Variants in DUSP22 observed in about 807,000 individuals in gnomAD.
DUSP22 encodes dual specificity protein phosphatase 22.
DUSP22 carries 24 observed loss-of-function variants against 24.5 expected under a neutral mutation model. The ratio of observed to expected loss-of-function variants is 0.98; its 90% confidence interval spans 0.71 to 1.38. DUSP22 has a LOEUF of 1.38. DUSP22 is among the 40% of genes most tolerant of loss of function. The pLI is 0.00. For synonymous variants in DUSP22, 160 were observed against 106.4 expected, an observed-to-expected ratio of 1.50 and a Z score of -3.10; for missense variants, 330 against 269.2, an observed-to-expected ratio of 1.23 and a Z score of -1.58.
chr6:348,501 TC>T, intron 6 of DUSP22: 3 of 856,644 alleles, frequency 3.5e-6, no homozygotes, highest in Non-Finnish European at 5.3e-6. Context: ...TGCCTGGTAC[TC>T]CCTACTAGTT....
chr6:336,386 C>A (rs1759363390), intron 4 of DUSP22, among the ~76,000 whole-genome samples: 1 of 152,306 alleles, frequency 6.6e-6, no homozygotes, highest in Non-Finnish European at 1.5e-5. Context: ...TGCACGCACA[C>A]CCTATGGATC....
intron 4 of DUSP22, among the ~76,000 whole-genome samples, chr6:336,199 T>C (rs1370241565): frequency 1.3e-5 from 2 of 152,300 alleles, no homozygotes; most frequent in African/African-American, 2.4e-5. Context: ...TGCCACTGAG[T>C]CTGGCCTCTG....
intron 3 of DUSP22, among the ~76,000 whole-genome samples, chr6:332,299 G>A (rs1368010033): frequency 2.0e-5 from 3 of 152,302 alleles, no homozygotes; most frequent in Admixed American, 2.0e-4. Flanking sequence ...TTCCTCTTCA[G>A]AGGATTCACA....
intron 3 of DUSP22, chr6:326,144 G>A (rs1263760128): frequency 3.1e-5 from 7 of 228,908 alleles, no homozygotes; most frequent in South Asian, 2.0e-4. Context: ...GTCTTCCCTC[G>A]GCTTCTGTGT....
At chr6:293,000 T>C (rs754704909) in intron 1 of DUSP22, among the ~76,000 whole-genome samples, 15 of 152,300 alleles carry the variant, frequency 9.8e-5, no homozygotes, top group Non-Finnish European at 2.1e-4. Context: ...CTCCTCAGAT[T>C]CTGTGTGTGT....
chr6:333,165 AAGCCC>A (rs1218673737), intron 3 of DUSP22, among the ~76,000 whole-genome samples: 1 of 152,306 alleles, frequency 6.6e-6, no homozygotes, highest in Non-Finnish European at 1.5e-5. Flanking sequence ...CACAGCCCAC[AAGCCC>A]AGGAGAAATG....
intron 2 of DUSP22, among the ~76,000 whole-genome samples, chr6:305,087 T>C (rs1757762462): frequency 6.6e-6 from 1 of 152,302 alleles, no homozygotes; most frequent in Non-Finnish European, 1.5e-5. Context: ...TGCTTCCATT[T>C]ATTTGTTCGT....
In DUSP22 at chr6:350,550, G is replaced by C; in HGVS notation, c.*1599G>C. On this transcript the variant is annotated 3_prime_UTR_variant, in exon 7 of 7. Transcript: ENST00000419235. ...CTTTTTGGGGACCGGGAAAAACAAAGTTGCCTGATTCCGCGCAGGTGCACA... is the reference window on the plus strand; with the variant it reads ...CTTTTTGGGGACCGGGAAAAACAAACTTGCCTGATTCCGCGCAGGTGCACA... 7.4e-7 allele frequency: 1 copy of C among 1,359,476 alleles called. No homozygotes were observed. The highest frequency in any genetic ancestry group is 9.5e-7 in the Non-Finnish European group (1 of 1,057,624). The allele number at this position is 1,359,476 out of a possible 1,614,324, so 84.2% of individuals were successfully genotyped here.
chr6:313,673 A>G (rs1758210282), intron 3 of DUSP22, among the ~76,000 whole-genome samples: 1 of 152,304 alleles, frequency 6.6e-6, no homozygotes, highest in African/African-American at 2.4e-5. Context: ...TTATTATCTT[A>G]GCTTCATAAT....
chr6:313,654 C>T (rs1057515340), intron 3 of DUSP22, among the ~76,000 whole-genome samples: 19 of 152,296 alleles, frequency 1.2e-4, no homozygotes, highest in African/African-American at 2.9e-4. Flanking sequence ...TTGTAGTCTC[C>T]GGGTGCTATT....
At chr6:348,320 G>C (rs751383563) in intron 6 of DUSP22, 46 bp downstream of exon 6, 1 of 1,610,410 alleles carries the variant, frequency 6.2e-7, no homozygotes, top group South Asian at 1.1e-5. Flanking sequence ...AGGTGCCCCT[G>C]AACGGTGCCC....
chr6:319,633 C>T (rs1409942100), intron 3 of DUSP22, among the ~76,000 whole-genome samples: 1 of 152,300 alleles, frequency 6.6e-6, no homozygotes, highest in African/African-American at 2.4e-5. Context: ...CCATTGTTTC[C>T]AGCGTGGGTG....
intron 2 of DUSP22, 57 bp downstream of exon 2, chr6:304,718 TCTTGAC>T (rs2127393353): frequency 6.2e-7 from 1 of 1,606,442 alleles, no homozygotes; most frequent in African/African-American, 1.3e-5. Flanking sequence ...AAATGTGTCA[TCTTGAC>T]CATTTTAAAG....
intron 3 of DUSP22, among the ~76,000 whole-genome samples, chr6:313,620 C>A (rs1336609673): frequency 6.6e-6 from 1 of 152,302 alleles, no homozygotes; most frequent in Non-Finnish European, 1.5e-5. Flanking sequence ...TTCACTGGGA[C>A]AGCTTTTACT....
At position 348,986 on chromosome 6, in the gene DUSP22, G is replaced by A. The variant is rs959836440; in HGVS notation, c.*35G>A. 1 of 1,555,234 alleles carries A rather than the reference G, an allele frequency of 6.4e-7. No individual in the cohort carries two copies. The highest frequency in any genetic ancestry group is 1.4e-5 in the African/African-American group (1 of 73,342). Reference sequence around the variant, plus strand: ...CCTGCTGCCTTCCTTCCCACTGCTTGTCTTCAGTGTGCCCGGCTGGGCAGG... The same window carrying A: ...CCTGCTGCCTTCCTTCCCACTGCTTATCTTCAGTGTGCCCGGCTGGGCAGG... On this transcript the variant is annotated 3_prime_UTR_variant, in exon 7 of 7. Transcript: ENST00000419235.
At chr6:312,121 C>T (rs1350998610) in intron 3 of DUSP22, among the ~76,000 whole-genome samples, 159 bp downstream of exon 3, 2 of 152,296 alleles carry the variant, frequency 1.3e-5, no homozygotes, top group East Asian at 1.9e-4. Flanking sequence ...GATGTTAACA[C>T]GCTGTCTGTA....
Position 349,489 on chromosome 6 carries a change from G to T in DUSP22, c.*538G>T. On this transcript the variant is annotated 3_prime_UTR_variant, in exon 7 of 7. Transcript: ENST00000419235. ...AGCTACCCAGCAAAGAGCAGTCTGT[G>T]CCTCTGAGCAGACCGTGAGAACTCA... 1 of 999,952 alleles carries T rather than the reference G, an allele frequency of 1.0e-6. No homozygotes were observed. The highest frequency in any genetic ancestry group is 1.2e-6 in the Non-Finnish European group (1 of 839,184). 61.9% of individuals were successfully genotyped at this position (999,952 alleles called of 1,614,324 possible).
intron 3 of DUSP22, among the ~76,000 whole-genome samples, chr6:318,679 C>G (rs1758440369): frequency 1.3e-5 from 2 of 152,308 alleles, no homozygotes; most frequent in Non-Finnish European, 2.9e-5. Context: ...TTGCCCTTCT[C>G]CAGGCACAAG....
At chr6:297,780 T>A (rs1757407818) in intron 1 of DUSP22, among the ~76,000 whole-genome samples, 1 of 152,296 alleles carries the variant, frequency 6.6e-6, no homozygotes, top group Non-Finnish European at 1.5e-5. Flanking sequence ...GTTGAGAAGC[T>A]CTGTTTTCAT....
Sources: gnomAD v4.1 joint callset for allele counts (sites outside exome capture counted in the v4.1 genomes callset) on GRCh38, gnomAD v4.1.1 for gene constraint, MANE v1.5 for transcripts, NCBI Gene and HGNC (gene_info 2026-07-23, HGNC 2026-07-21) for gene names.